Variants in DDX49 observed in about 807,000 individuals in gnomAD.
DDX49 encodes the protein DEAD-box helicase 49.
In DDX49, 50 loss-of-function variants were observed where a neutral mutation model predicts 56.3. That is an observed-to-expected ratio of 0.89 (90% CI 0.71 to 1.12). The LOEUF is 1.12. Among genes scored for constraint, DDX49 ranks in the 50% most tolerant of loss-of-function variants. The pLI is 0.00. For synonymous variants in DDX49, 269 were observed against 270.6 expected (o/e 0.99, Z 0.06); for missense variants, 614 against 650.5 (o/e 0.94, Z 0.61).
Position 18,920,684 on chromosome 19 carries a change from C to G in DDX49, c.220C>G (p.Leu74Val). The G allele has an allele frequency of 1.1e-5, 17 of 1,606,780 alleles. No individual in the cohort carries two copies. Among genetic ancestry groups the G allele is most frequent in the Non-Finnish European group, 1.4e-5 (17 of 1,173,998 alleles). ...TGAGGATCCCTATGGCATCTTCTGC[C>G]TCGTCCTGACACCCACCAGGTAAGC... is the stretch of plus-strand genomic sequence containing the variant. ...LSEDPYGIFC[L>V]VLTPTRELAY... The change falls in exon 2 of 13, where the codon CTC becomes GTC. Residue 74 changes from leucine to valine, a missense_variant. By Grantham distance (32) the Leu-to-Val change is conservative. Transcript: ENST00000247003.
intron 2 of DDX49, chr19:18,921,047 A>C (rs1230432923): frequency 5.8e-6 from 1 of 171,368 alleles, no homozygotes; most frequent in Non-Finnish European, 1.3e-5. Context: ...AGGCCGAGGC[A>C]GGAGAATCGC....
At chr19:18,926,486 T>C in intron 10 of DDX49, 109 bp downstream of exon 10, 1 of 1,197,622 alleles carries the variant, frequency 8.3e-7, no homozygotes, top group South Asian at 1.4e-5. Context: ...CCTGCTCCCG[T>C]GAGCAGATTT....
chr19:18,928,473 C>T lies in DDX49; in HGVS notation c.*157C>T, dbSNP rs538396775. On this transcript the variant is annotated 3_prime_UTR_variant, in exon 13 of 13. Coordinates refer to ENST00000247003, the MANE Select transcript of DDX49 (RefSeq NM_019070.5). ...TTGTGCGGGCCCTGCTCCTCTGCCC[C>T]GAAACCACTGGCTGGTCCCTTCCCT... 13 of 701,060 alleles carry T rather than the reference C, an allele frequency of 1.9e-5. No individual in the cohort carries two copies. The African/African-American group carries it at 2.0e-4, about 11-fold the overall frequency. The allele number at this position is 701,060 out of a possible 1,614,324, so 43.4% of individuals were successfully genotyped here.
intron 10 of DDX49, among the ~76,000 whole-genome samples, chr19:18,927,070 CAA>C (rs35034273): frequency 0.16 from 12,180 of 74,566 alleles, 426 homozygotes; most frequent in African/African-American, 0.19. Flanking sequence ...GACTCTGTCT[CAA>C]AAAAAAAAAA....
intron 1 of DDX49, 141 bp downstream of exon 1, chr19:18,919,997 C>G: frequency 3.4e-6 from 2 of 593,544 alleles, no homozygotes. Flanking sequence ...TTCCGGAGGA[C>G]GACTGGACAG....
intron 10 of DDX49, among the ~76,000 whole-genome samples, chr19:18,927,107 A>T (rs2056967541): frequency 7.1e-6 from 1 of 140,770 alleles, no homozygotes. Flanking sequence ...AAACATCTGG[A>T]CTTTAAGGCC....
In DDX49 at chr19:18,928,483, G is replaced by A. The variant is rs146805638; in HGVS notation, c.*167G>A. On this transcript the variant is annotated 3_prime_UTR_variant, in exon 13 of 13. Transcript: ENST00000247003. ...CCTGCTCCTCTGCCCCGAAACCACT[G>A]GCTGGTCCCTTCCCTGAGCCCTGGC... 4.9e-4 allele frequency: 324 copies of A among 666,380 alleles called. 7 individuals are homozygous for A. The African/African-American group carries it at 5.2e-3, about 11-fold the overall frequency. The allele number at this position is 666,380 out of a possible 1,614,324, so 41.3% of individuals were successfully genotyped here. A position where few individuals can be genotyped will look rare whatever the true frequency, so the allele number is the denominator to read the frequency against.
At chr19:18,924,133 T>G in intron 6 of DDX49, 100 bp from the exon 7 acceptor site, 7 of 1,157,092 alleles carry the variant, frequency 6.0e-6, no homozygotes, top group Non-Finnish European at 7.8e-6. Context: ...CTAAGCTGCA[T>G]GAGGCCACTG....
At position 18,924,280 on chromosome 19, in the gene DDX49, C is replaced by T; in HGVS notation, c.824C>T (p.Thr275Ile). The change falls in exon 7 of 13, where the codon ACC (threonine) becomes ATC (isoleucine). Residue 275 changes from threonine (T) to isoleucine (I), a missense_variant. Thr to Ile is a moderately conservative substitution (Grantham distance 89, BLOSUM62 -1). Transcript: ENST00000247003. The stretch of plus-strand genomic sequence containing the variant: ...ATGCTGCGCAAATTCAGCTTCCCCA[C>T]CGTGGCTCTGCACTCCATGATGAAG... ...CMMLRKFSFP[T>I]VALHSMMKQK... 6.2e-7 allele frequency: 1 copy of T among 1,613,954 alleles called. No homozygotes were observed.
intron 10 of DDX49, among the ~76,000 whole-genome samples, chr19:18,926,671 A>G (rs1252018927): frequency 6.6e-6 from 1 of 152,214 alleles, no homozygotes; most frequent in Non-Finnish European, 1.5e-5. Context: ...CCCCATTGAC[A>G]GGGCCTGGCC....
At chr19:18,924,452 C>G in intron 7 of DDX49, 144 bp downstream of exon 7, 1 of 1,080,376 alleles carries the variant, frequency 9.3e-7, no homozygotes. Flanking sequence ...TCAAGAGGCC[C>G]TCCCTGACCG....
intron 10 of DDX49, 47 bp downstream of exon 10, chr19:18,926,424 C>T (rs1214324186): frequency 2.2e-6 from 1 of 456,924 alleles, no homozygotes; most frequent in Admixed American, 3.2e-5. Flanking sequence ...GTGGGGTGGG[C>T]AGAGGTGGGC....
At chr19:18,924,523 T>C in intron 7 of DDX49, 100 bp from the exon 8 acceptor site, 4 of 1,372,640 alleles carry the variant, frequency 2.9e-6, no homozygotes, top group Non-Finnish European at 4.1e-6. Flanking sequence ...CCTTCCTCAA[T>C]GGACGGCTGG....
In DDX49 at chr19:18,928,530, A is replaced by G; in HGVS notation, c.*214A>G. 1.8e-6 allele frequency: 1 copy of G among 563,038 alleles called. No homozygotes were observed. The highest frequency in any genetic ancestry group is 3.1e-6 in the Non-Finnish European group (1 of 326,126). 34.9% of individuals were successfully genotyped at this position (563,038 alleles called of 1,614,324 possible). A position where few individuals can be genotyped will look rare whatever the true frequency, so the allele number is the denominator to read the frequency against. ...TGGCCAAGATTCAGGCTGCAGGGGAAGAAAGAACATGACCGGGAGGTTGTG... is the reference window on the plus strand; with the variant it reads ...TGGCCAAGATTCAGGCTGCAGGGGAGGAAAGAACATGACCGGGAGGTTGTG... On this transcript the variant is annotated 3_prime_UTR_variant, in exon 13 of 13. Coordinates refer to ENST00000247003, the MANE Select transcript of DDX49 (RefSeq NM_019070.5).
chr19:18,926,331 GAC>G lies in DDX49; in HGVS notation c.1060_1061del (p.Gln354ValfsTer42), dbSNP rs769434963. On this transcript the variant is annotated frameshift_variant, in exon 10 of 13. Transcript: ENST00000247003. LOFTEE classifies it high-confidence loss of function. ...GGCAGGGTCAGGCCATCACGCTGGT[GAC>G]ACAGTACGACATCCACCTGGTGCAC... is the stretch of plus-strand genomic sequence containing the variant. The part of the protein sequence containing the change: ...GRQGQAITLV[T>X]QYDIHLVHAI... 1 of 1,478,072 alleles carries G rather than the reference GAC, an allele frequency of 6.8e-7. No homozygotes were observed. The highest frequency in any genetic ancestry group is 2.8e-5 in the East Asian group (1 of 35,180). 91.6% of individuals were successfully genotyped at this position (1,478,072 alleles called of 1,614,324 possible). A position where few individuals can be genotyped will look rare whatever the true frequency, so the allele number is the denominator to read the frequency against.
chr19:18,922,163 A>G, intron 4 of DDX49, 163 bp from the exon 5 acceptor site: 2 of 1,159,150 alleles, frequency 1.7e-6, no homozygotes, highest in Non-Finnish European at 2.4e-6. Context: ...ATTCGGGGGT[A>G]GGGCCTTGCT....
Position 18,920,487 on chromosome 19 carries a change from C to A in DDX49, c.116-93C>A. On this transcript the variant is annotated intron_variant, in intron 1 of 12. Coordinates refer to ENST00000247003, the MANE Select transcript of DDX49 (RefSeq NM_019070.5). ...AAATGGATATGGGTTCCAGTCCAGC[C>A]TGCCACTCACTGGCAGTGTGTCCTG... 3 of 1,384,952 alleles carry A rather than the reference C, an allele frequency of 2.2e-6. No homozygotes were observed. In the South Asian group the frequency reaches 4.4e-5, roughly 20 times the overall value. 85.8% of individuals were successfully genotyped at this position (1,384,952 alleles called of 1,614,324 possible).
At chr19:18,922,211 G>A in intron 4 of DDX49, 115 bp from the exon 5 acceptor site, 1 of 1,337,238 alleles carries the variant, frequency 7.5e-7, no homozygotes, top group Middle Eastern at 2.5e-4. Context: ...TTGGAAGGAG[G>A]GTACTCCAGG....
chr19:18,926,806 C>T (rs1568331295), intron 10 of DDX49, among the ~76,000 whole-genome samples: 1 of 152,306 alleles, frequency 6.6e-6, no homozygotes, highest in East Asian at 1.9e-4. Context: ...GGCACAGTGG[C>T]TCACACTTGT....
Sources: gnomAD v4.1 joint callset for allele counts (sites outside exome capture counted in the v4.1 genomes callset) on GRCh38, gnomAD v4.1.1 for gene constraint, MANE v1.5 for transcripts, NCBI Gene and HGNC (gene_info 2026-07-23, HGNC 2026-07-21) for gene names.